CATSPERT: variants seen among roughly 807,000 people sequenced by gnomAD.
CATSPERT encodes the protein cation channel sperm-associated targeting subunit tau.
the CATSPERT span, among the ~76,000 whole-genome samples, chr2:201,542,850 A>T: frequency 6.6e-6 from 1 of 151,934 alleles, no homozygotes; most frequent in Non-Finnish European, 1.5e-5. Flanking sequence ...AAGCTTTTTA[A>T]TTTGATATAG....
At chr2:201,503,165 T>C in the CATSPERT span, among the ~76,000 whole-genome samples, 1 of 152,202 alleles carries the variant, frequency 6.6e-6, no homozygotes, top group Non-Finnish European at 1.5e-5. Flanking sequence ...ATTGATGTCA[T>C]TTCAGGATCT....
At chr2:201,526,855 A>G in the CATSPERT span, among the ~76,000 whole-genome samples, 1 of 152,210 alleles carries the variant, frequency 6.6e-6, no homozygotes, top group Non-Finnish European at 1.5e-5. Context: ...AACCAAAACA[A>G]GACAAGGATA....
the CATSPERT span, among the ~76,000 whole-genome samples, chr2:201,538,117 G>T: frequency 1.8e-4 from 28 of 152,110 alleles, no homozygotes; most frequent in African/African-American, 6.7e-4. Flanking sequence ...TTGTAAAGCA[G>T]ATCTCTAGAA....
At chr2:201,521,457 G>C in the CATSPERT span, among the ~76,000 whole-genome samples, 1,143 of 150,860 alleles carry the variant, frequency 7.6e-3, 16 homozygotes, top group African/African-American at 0.026. Flanking sequence ...GAGAGAAAGA[G>C]ACACACAGAG....
At chr2:201,603,355 T>C in the CATSPERT span, 2 of 1,256,554 alleles carry the variant, frequency 1.6e-6, no homozygotes, top group Admixed American at 2.5e-5. Context: ...CTGAGCTCTA[T>C]TTTTAAAAAG....
the CATSPERT span, chr2:201,535,920 C>G: frequency 6.4e-7 from 1 of 1,554,756 alleles, no homozygotes. Flanking sequence ...TGTGTTCTCC[C>G]TTTCAGCTAA....
chr2:201,577,202 T>C, the CATSPERT span, among the ~76,000 whole-genome samples: 3 of 152,090 alleles, frequency 2.0e-5, no homozygotes, highest in Non-Finnish European at 2.9e-5. Flanking sequence ...TAGACTTGGG[T>C]CCCATCCTCA....
chr2:201,603,194 C>T, the CATSPERT span: 1 of 1,592,036 alleles, frequency 6.3e-7, no homozygotes, highest in Non-Finnish European at 8.6e-7. Flanking sequence ...GATATAATTA[C>T]TATGATTCTT....
the CATSPERT span, chr2:201,547,516 T>C: frequency 1.3e-6 from 2 of 1,528,834 alleles, no homozygotes; most frequent in South Asian, 2.3e-5. Context: ...TCAGAATCCT[T>C]ATGTTCCAAT....
the CATSPERT span, among the ~76,000 whole-genome samples, chr2:201,510,187 C>T: frequency 6.6e-6 from 1 of 150,498 alleles, no homozygotes; most frequent in African/African-American, 2.5e-5. Context: ...ATGTGGCTCA[C>T]ACCTGTAATC....
At chr2:201,565,131 CGAAATACACTGGT>C in the CATSPERT span, among the ~76,000 whole-genome samples, 6 of 151,860 alleles carry the variant, frequency 4.0e-5, no homozygotes, top group African/African-American at 1.5e-4. Flanking sequence ...ACGAGACCTA[CGAAATACACTGGT>C]GAATGAGGAG....
the CATSPERT span, chr2:201,618,865 T>G: frequency 1.2e-6 from 2 of 1,603,564 alleles, no homozygotes; most frequent in Non-Finnish European, 1.7e-6. Flanking sequence ...CTGGCCCCGG[T>G]CCTCCAGGTG....
chr2:201,506,588 C>G, the CATSPERT span, among the ~76,000 whole-genome samples: 2 of 152,170 alleles, frequency 1.3e-5, no homozygotes, highest in Admixed American at 6.5e-5. Flanking sequence ...GAGTCTTGCT[C>G]TGTCATCCAG....
the CATSPERT span, chr2:201,536,370 G>GA: frequency 5.9e-6 from 9 of 1,521,350 alleles, no homozygotes; most frequent in Non-Finnish European, 7.9e-6. Context: ...TTATTGACTG[G>GA]AAAATTTTAC....
At chr2:201,605,780 T>C in the CATSPERT span, among the ~76,000 whole-genome samples, 12 of 152,288 alleles carry the variant, frequency 7.9e-5, no homozygotes, top group African/African-American at 2.6e-4. Flanking sequence ...CAAACAAGCA[T>C]TTGGAGATGT....
chr2:201,617,510 G>C, the CATSPERT span, among the ~76,000 whole-genome samples: 269 of 152,304 alleles, frequency 1.8e-3, 1 homozygote, highest in African/African-American at 6.0e-3. Context: ...GCCATACGTA[G>C]AAAGCTGAAA....
chr2:201,539,541 C>A, the CATSPERT span, among the ~76,000 whole-genome samples: 2 of 55,214 alleles, frequency 3.6e-5, no homozygotes, highest in Admixed American at 2.6e-4. Flanking sequence ...TAAATCTTTG[C>A]CCACTTTTTA....
chr2:201,506,832 C>T, the CATSPERT span, among the ~76,000 whole-genome samples: 4 of 152,168 alleles, frequency 2.6e-5, no homozygotes, highest in Non-Finnish European at 5.9e-5. Context: ...GGATTACAGG[C>T]GTGAGCCACC....
the CATSPERT span, among the ~76,000 whole-genome samples, chr2:201,563,237 G>A: frequency 1.4e-5 from 2 of 138,460 alleles, no homozygotes; most frequent in African/African-American, 2.7e-5. Flanking sequence ...GCTGGGCAGA[G>A]GGGCTCCTCA....
Sources: gnomAD v4.1 joint callset for allele counts (sites outside exome capture counted in the v4.1 genomes callset) on GRCh38, gnomAD v4.1.1 for gene constraint, MANE v1.5 for transcripts, NCBI Gene and HGNC (gene_info 2026-07-23, HGNC 2026-07-21) for gene names.